Variants in CFAP77 observed in about 807,000 individuals in gnomAD.
CFAP77 encodes the protein cilia and flagella associated protein 77.
Under a neutral mutation model 31.1 loss-of-function variants are expected in CFAP77, and 25 were observed. The observed-to-expected ratio is 0.80, with a 90% CI of 0.59 to 1.12. The LOEUF is 1.12. CFAP77 is among the 50% of genes most tolerant of loss of function. The probability of loss-of-function intolerance (pLI) is 0.00; values close to 1 mark genes in which losing one functional copy is unlikely to be tolerated. For missense variants in CFAP77, 377 were observed against 397.3 expected, an observed-to-expected ratio of 0.95 and a Z score of 0.44; for synonymous variants, 151 against 159.9, an observed-to-expected ratio of 0.94 and a Z score of 0.42.
At position 132,455,575 on chromosome 9, in the gene CFAP77, C is replaced by CA. The variant is rs539941481; in HGVS notation, c.196-43113dup. 1.3e-5 allele frequency among the ~76,000 whole-genome samples: 2 copies of CA among 151,144 alleles called. No homozygotes were observed. The highest frequency in any genetic ancestry group is 4.9e-5 in the African/African-American group (2 of 41,050). On this transcript the variant is annotated intron_variant, in intron 1 of 5. Coordinates refer to ENST00000393216, the MANE Select transcript of CFAP77 (RefSeq NM_001282957.2). The surrounding 1 kb of genome is among the most constrained non-coding windows in gnomAD (Gnocchi z 4.1). ...CGAGACCCTATCTCTACTAAAAATA[C>CA]AAAAAAATAGCTCTGTATGATGGTA... is the stretch of plus-strand genomic sequence containing the variant.
chr9:132,454,066 A>C (rs1445353199), intron 1 of CFAP77, among the ~76,000 whole-genome samples: 1 of 152,166 alleles, frequency 6.6e-6, no homozygotes, highest in Non-Finnish European at 1.5e-5. Flanking sequence ...ATCATAATTT[A>C]TCGGGGTTCA....
intron 1 of CFAP77, among the ~76,000 whole-genome samples, chr9:132,425,014 A>G (rs1203386670): frequency 6.6e-6 from 1 of 152,176 alleles, no homozygotes; most frequent in African/African-American, 2.4e-5. Flanking sequence ...GGCCCACACA[A>G]TAGGCATCAA....
At chr9:132,503,983 G>A (rs191487425) in intron 3 of CFAP77, among the ~76,000 whole-genome samples, 5 of 152,276 alleles carry the variant, frequency 3.3e-5, no homozygotes, top group Non-Finnish European at 7.3e-5. Flanking sequence ...AGGTTGCAGC[G>A]AACCAAGATC....
intron 1 of CFAP77, among the ~76,000 whole-genome samples, chr9:132,444,349 G>T (rs1850667704): frequency 6.6e-6 from 1 of 152,242 alleles, no homozygotes; most frequent in African/African-American, 2.4e-5. Context: ...TCCACAGCTT[G>T]TCATTTGGGC....
At chr9:132,447,090 C>T (rs147279324) in intron 1 of CFAP77, among the ~76,000 whole-genome samples, 336 of 152,164 alleles carry the variant, frequency 2.2e-3, no homozygotes, top group African/African-American at 7.9e-3. Context: ...GACTGAGGCT[C>T]AAGGAGGTTA....
rs181612298 is a variant in CFAP77, at chr9:132,538,907, G to A, written c.630+1201G>A. 2.0e-5 allele frequency among the ~76,000 whole-genome samples: 3 copies of A among 152,138 alleles called. No homozygotes were observed. The East Asian group carries it at 5.8e-4, about 30-fold the overall frequency. The stretch of plus-strand genomic sequence containing the variant: ...TCGAGACCATCCTGGCTAACACGGT[G>A]AAACCCCGTCTCTACTAAAAATACA... On this transcript the variant is annotated intron_variant, in intron 4 of 5. Transcript: ENST00000393216.
chr9:132,448,676 T>C (rs1850768883), intron 1 of CFAP77, among the ~76,000 whole-genome samples: 1 of 152,168 alleles, frequency 6.6e-6, no homozygotes, highest in Non-Finnish European at 1.5e-5. Context: ...AACCTCCACC[T>C]CCCAGGTTCA....
chr9:132,542,847 A>G, intron 4 of CFAP77, 99 bp from the exon 5 acceptor site: 2 of 934,136 alleles, frequency 2.1e-6, no homozygotes, highest in Non-Finnish European at 3.5e-6. Flanking sequence ...GGATCTTGCC[A>G]CGCCAAGAAT....
At chr9:132,543,207 T>A (rs1852675272) in intron 5 of CFAP77, among the ~76,000 whole-genome samples, 160 bp downstream of exon 5, 1 of 152,216 alleles carries the variant, frequency 6.6e-6, no homozygotes, top group East Asian at 1.9e-4. Context: ...CCTGAGCACT[T>A]CCCAAGGCCC....
chr9:132,497,484 G>A lies in CFAP77; in HGVS notation c.196-1211G>A, dbSNP rs1851763964. 6.6e-6 allele frequency among the ~76,000 whole-genome samples: 1 copy of A among 152,204 alleles called. No homozygotes were observed. Among genetic ancestry groups the A allele is most frequent in the Non-Finnish European group, 1.5e-5 (1 of 68,032 alleles). ...GGCCTGTGGCCTGTGGACAGTGGAAGGAGCAGCTGCACCCACCCTTCTCAG... is the reference window on the plus strand; with the variant it reads ...GGCCTGTGGCCTGTGGACAGTGGAAAGAGCAGCTGCACCCACCCTTCTCAG... On this transcript the variant is annotated intron_variant, in intron 1 of 5. Coordinates refer to ENST00000393216, the MANE Select transcript of CFAP77 (RefSeq NM_001282957.2). This position sits in a 1 kb window ranked among gnomAD's most constrained non-coding sequence, Gnocchi z 4.9.
rs557702268 is a variant in CFAP77, at chr9:132,561,161, C to T, written c.733-11227C>T. 3.0e-4 allele frequency among the ~76,000 whole-genome samples: 45 copies of T among 152,272 alleles called. 1 individual carries two copies. In the East Asian group the frequency reaches 8.3e-3, roughly 28 times the overall value. On this transcript the variant is annotated intron_variant, in intron 5 of 5. Coordinates refer to ENST00000393216, the MANE Select transcript of CFAP77 (RefSeq NM_001282957.2). ...GCCTCTGACCTCCAGCTGCCCCGAACTTGACAGGAATTACTGACCTGGGAC... is the reference window on the plus strand; with the variant it reads ...GCCTCTGACCTCCAGCTGCCCCGAATTTGACAGGAATTACTGACCTGGGAC...
At chr9:132,557,220 A>G (rs1388280660) in intron 5 of CFAP77, among the ~76,000 whole-genome samples, 2 of 152,136 alleles carry the variant, frequency 1.3e-5, no homozygotes, top group Non-Finnish European at 2.9e-5. Flanking sequence ...CCTCTCCCCA[A>G]GTTGTCCCTG....
At chr9:132,503,920 GCAT>G (rs1851893693) in intron 3 of CFAP77, among the ~76,000 whole-genome samples, 1 of 152,128 alleles carries the variant, frequency 6.6e-6, no homozygotes. Context: ...GTGGTGGCAT[GCAT>G]CTGTAATCAG....
chr9:132,523,378 T>G (rs1038712717), intron 3 of CFAP77, among the ~76,000 whole-genome samples: 2 of 152,334 alleles, frequency 1.3e-5, no homozygotes, highest in East Asian at 3.9e-4. Flanking sequence ...TATGAGCCAC[T>G]GCGCCCGACC....
chr9:132,558,460 TTTG>T (rs1250435423), intron 5 of CFAP77, among the ~76,000 whole-genome samples: 2 of 152,082 alleles, frequency 1.3e-5, no homozygotes, highest in Non-Finnish European at 2.9e-5. Flanking sequence ...ATCCCAGCAC[TTTG>T]GGAGGCAGAG....
intron 1 of CFAP77, chr9:132,482,316 G>A (rs745530694): frequency 3.7e-6 from 6 of 1,613,052 alleles, no homozygotes; most frequent in Admixed American, 3.3e-5. Context: ...GTAGGCTGCC[G>A]GCCCGGCCTC....
intron 1 of CFAP77, among the ~76,000 whole-genome samples, chr9:132,435,754 C>T (rs1850495675): frequency 6.6e-6 from 1 of 152,186 alleles, no homozygotes; most frequent in Non-Finnish European, 1.5e-5. Flanking sequence ...AGCATGACCT[C>T]ACCCTTCAAT....
intron 5 of CFAP77, among the ~76,000 whole-genome samples, chr9:132,556,816 G>A: frequency 6.6e-6 from 1 of 152,318 alleles, no homozygotes; most frequent in African/African-American, 2.4e-5. Flanking sequence ...AGCCGAGGCC[G>A]CTCCTGGCGC....
intron 5 of CFAP77, among the ~76,000 whole-genome samples, chr9:132,557,215 C>A (rs1412721290): frequency 6.6e-6 from 1 of 152,156 alleles, no homozygotes; most frequent in African/African-American, 2.4e-5. Context: ...CTTTCCCTCT[C>A]CCCAAGTTGT....
Sources: allele counts gnomAD v4.1 joint callset (sites outside exome capture counted in the v4.1 genomes callset), GRCh38; gene constraint gnomAD v4.1.1; non-coding constraint Gnocchi (gnomAD v3.1); transcripts MANE v1.5; gene names NCBI Gene and HGNC (gene_info 2026-07-23, HGNC 2026-07-21).